SLC2A11: variants seen among roughly 807,000 people sequenced by gnomAD.
SLC2A11 encodes the protein solute carrier family 2, facilitated glucose transporter member 11.
In SLC2A11, 43 loss-of-function variants were observed where a neutral mutation model predicts 52.1. The ratio of observed to expected loss-of-function variants is 0.82; its 90% confidence interval spans 0.65 to 1.06. The LOEUF is 1.06. Among genes scored for constraint, SLC2A11 ranks in the 50% least tolerant of loss-of-function variants. The pLI, the probability that SLC2A11 is intolerant of heterozygous loss-of-function variation, is 0.00. For synonymous variants in SLC2A11, 261 were observed against 277.6 expected, an observed-to-expected ratio of 0.94 and a Z score of 0.59; for missense variants, 582 against 654.2, an observed-to-expected ratio of 0.89 and a Z score of 1.20.
intron 1 of SLC2A11, among the ~76,000 whole-genome samples, chr22:23,861,330 T>C (rs554657851): frequency 1.2e-4 from 9 of 76,684 alleles, no homozygotes; most frequent in Non-Finnish European, 1.7e-4. Context: ...ATCCCAACTA[T>C]CCCAACTACA....
rs368383150 is a variant in SLC2A11, at chr22:23,875,027, G to T, written c.291-90G>T. On this transcript the variant is annotated intron_variant, in intron 3 of 11. Coordinates refer to ENST00000316185, the MANE Select transcript of SLC2A11 (RefSeq NM_001024939.4). ...ACATTTGTGTGTGTGTCTAATTAAG[G>T]CTTGTTACAGTTGCAAAGAGTGGTC... is the stretch of plus-strand genomic sequence containing the variant. 4.1e-4 allele frequency: 565 copies of T among 1,364,250 alleles called. 3 individuals carry two copies. In the East Asian group the frequency reaches 6.6e-3, roughly 16 times the overall value. 84.5% of individuals were successfully genotyped at this position (1,364,250 alleles called of 1,614,324 possible).
intron 6 of SLC2A11, 51 bp from the exon 7 acceptor site, chr22:23,882,408 C>T: frequency 6.8e-7 from 1 of 1,459,876 alleles, no homozygotes; most frequent in South Asian, 1.4e-5. Flanking sequence ...TGTAGGGGGA[C>T]CAAAGAGGGG....
At chr22:23,862,858 T>C (rs2032122391) in intron 2 of SLC2A11, among the ~76,000 whole-genome samples, 1 of 152,022 alleles carries the variant, frequency 6.6e-6, no homozygotes, top group African/African-American at 2.4e-5. Flanking sequence ...CCCAACCTCA[T>C]GTGATCCGCC....
chr22:23,864,202 A>G (rs2032178910), intron 2 of SLC2A11, among the ~76,000 whole-genome samples: 1 of 152,126 alleles, frequency 6.6e-6, no homozygotes, highest in Admixed American at 6.5e-5. Flanking sequence ...CTTCCTCCAA[A>G]GTAATATTTG....
At position 23,882,629 on chromosome 22, in the gene SLC2A11, C is replaced by T; in HGVS notation, c.865C>T (p.Leu289Phe). Residue 289 changes from leucine (L) to phenylalanine (F), a missense_variant, in exon 7 of 12, where the codon CTC (leucine) becomes TTC (phenylalanine). Coordinates refer to ENST00000316185, the MANE Select transcript of SLC2A11 (RefSeq NM_001024939.4). ...CGTGGTTCTGGGCAGTGCCATGGAG[C>T]TCTGCGGGAATGACTCGGTGAGACC... ...SLVVLGSAME[L>F]CGNDSVYAYA... 6.2e-7 allele frequency: 1 copy of T among 1,612,776 alleles called. No homozygotes were observed. The highest frequency in any genetic ancestry group is 1.1e-5 in the South Asian group (1 of 90,944).
In SLC2A11 at chr22:23,882,443, C is replaced by G; in HGVS notation, c.695-16C>G. On this transcript the variant is annotated splice_polypyrimidine_tract_variant and intron_variant, in intron 6 of 11. Transcript: ENST00000316185. The stretch of plus-strand genomic sequence containing the variant: ...GCTTGGGGACGGGGAGCTCAGTACC[C>G]TCCTCCCTGGCTCAGCACTACGGCG... 6.6e-7 allele frequency: 1 copy of G among 1,519,266 alleles called. No homozygotes were observed. The highest frequency in any genetic ancestry group is 8.8e-7 in the Non-Finnish European group (1 of 1,135,542). 94.1% of individuals were successfully genotyped at this position (1,519,266 alleles called of 1,614,324 possible).
Position 23,877,161 on chromosome 22 carries a change from G to A in SLC2A11, c.535G>A (p.Val179Ile), listed in dbSNP as rs1601506520. ...TALGIVMGQV[V>I]GLRELLGGPQ... Reference sequence around the variant, plus strand: ...TCTGGGGATCGTGATGGGACAGGTGGTCGGACTCAGGTAAGCACCCCTCCC... The same window carrying A: ...TCTGGGGATCGTGATGGGACAGGTGATCGGACTCAGGTAAGCACCCCTCCC... Residue 179 changes from valine to isoleucine, a missense_variant, in exon 5 of 12, where the codon GTC becomes ATC. By Grantham distance (29) the Val-to-Ile change is conservative. Transcript: ENST00000316185. 6.2e-7 allele frequency: 1 copy of A among 1,611,084 alleles called. No homozygotes were observed. Among genetic ancestry groups the A allele is most frequent in the Non-Finnish European group, 8.5e-7 (1 of 1,178,510 alleles).
At chr22:23,870,160 T>C (rs2032403567) in intron 3 of SLC2A11, 1 of 630,270 alleles carries the variant, frequency 1.6e-6, no homozygotes, top group Non-Finnish European at 2.9e-6. Context: ...AGGGGAACAG[T>C]CGCAAACAAA....
rs1454038836 is a variant in SLC2A11 at position 23,884,020 on chromosome 22, C to T, written c.1167C>T (p.Gly389=). ...IFAFILSFGI[G]PAGVTGILAT... is the part of the protein sequence containing the mutation. ...CCTTCATCCTCAGCTTTGGCATTGG[C>T]CCTGGTGAGTGGGCCCAAGGGGCTC... The change falls in exon 10 of 12, where the codon GGC becomes GGT. Residue 389 remains glycine (G), a synonymous_variant. Coordinates refer to ENST00000316185, the MANE Select transcript of SLC2A11 (RefSeq NM_001024939.4). The surrounding 1 kb of genome is among the most constrained non-coding windows in gnomAD (Gnocchi z 4.3). 1 of 1,612,616 alleles carries T rather than the reference C, an allele frequency of 6.2e-7. No individual in the cohort carries two copies. Among genetic ancestry groups the T allele is most frequent in the East Asian group, 2.2e-5 (1 of 44,854 alleles).
intron 4 of SLC2A11, 125 bp from the exon 5 acceptor site, chr22:23,876,917 C>T: frequency 6.8e-7 from 1 of 1,474,418 alleles, no homozygotes; most frequent in East Asian, 2.3e-5. Context: ...GAGGGATCAG[C>T]CCTCAGTGCC....
At chr22:23,870,121 A>G (rs1314597655) in intron 3 of SLC2A11, 55 of 708,956 alleles carry the variant, frequency 7.8e-5, no homozygotes, top group Non-Finnish European at 1.6e-5. Context: ...GGATTAGACC[A>G]CTGGGCTCAT....
At position 23,863,389 on chromosome 22, in the gene SLC2A11, C is replaced by T. The variant is rs372709134; in HGVS notation, c.129+1187C>T. On this transcript the variant is annotated intron_variant, in intron 2 of 11. Coordinates refer to ENST00000316185, the MANE Select transcript of SLC2A11 (RefSeq NM_001024939.4). Reference sequence around the variant, plus strand: ...TCTGGCCCTTGATGGTAGCCTGGCCCGAGCCAATGTTCTGTGAGTGTCTGT... The same window carrying T: ...TCTGGCCCTTGATGGTAGCCTGGCCTGAGCCAATGTTCTGTGAGTGTCTGT... Among the ~76,000 whole-genome samples, 384 of 152,252 alleles carry T rather than the reference C, an allele frequency of 2.5e-3. 15 individuals are homozygous for T. The South Asian group carries it at 0.062, about 25-fold the overall frequency.
chr22:23,884,709 T>C lies in SLC2A11; in HGVS notation c.1360T>C (p.Tyr454His). 1 of 1,614,212 alleles carries C rather than the reference T, an allele frequency of 6.2e-7. No individual in the cohort carries two copies. Among genetic ancestry groups the C allele is most frequent in the Non-Finnish European group, 8.5e-7 (1 of 1,180,028 alleles). Residue 454 changes from tyrosine to histidine, a missense_variant, in exon 12 of 12, where the codon TAC (tyrosine) becomes CAC (histidine). Coordinates refer to ENST00000316185, the MANE Select transcript of SLC2A11 (RefSeq NM_001024939.4). This position sits in a 1 kb window ranked among gnomAD's most constrained non-coding sequence, Gnocchi z 4.3. ...FLGVCVCGAIYTGLFLPETKG... is the reference protein window; with the variant it reads ...FLGVCVCGAIHTGLFLPETKG... ...TGGTGTCTGTGTCTGTGGGGCCATCTACACTGGCCTGTTCCTTCCTGAGAC... is the reference window on the plus strand; with the variant it reads ...TGGTGTCTGTGTCTGTGGGGCCATCCACACTGGCCTGTTCCTTCCTGAGAC...
chr22:23,884,939 T>G lies in SLC2A11; in HGVS notation c.*90T>G, dbSNP rs1433890720. 5.6e-6 allele frequency: 6 copies of G among 1,079,632 alleles called. No individual in the cohort carries two copies. The highest frequency in any genetic ancestry group is 8.1e-6 in the Non-Finnish European group (6 of 738,272). 66.9% of individuals were successfully genotyped at this position (1,079,632 alleles called of 1,614,324 possible). A position where few individuals can be genotyped will look rare whatever the true frequency, so the allele number is the denominator to read the frequency against. On this transcript the variant is annotated 3_prime_UTR_variant, in exon 12 of 12. Transcript: ENST00000316185. This position sits in a 1 kb window ranked among gnomAD's most constrained non-coding sequence, Gnocchi z 4.3. ...TGGTCCTCACTCCCTCCTGCATTCC[T>G]CATTTAAGGAGTGTTTATTGAGCAC... is the stretch of plus-strand genomic sequence containing the variant.
rs1259369813 is a variant in SLC2A11 at position 23,884,151 on chromosome 22, G to C, written c.1171+127G>C. 6.7e-7 allele frequency: 1 copy of C among 1,487,534 alleles called. No homozygotes were observed. Among genetic ancestry groups the C allele is most frequent in the Non-Finnish European group, 9.0e-7 (1 of 1,113,368 alleles). The allele number at this position is 1,487,534 out of a possible 1,614,324, so 92.1% of individuals were successfully genotyped here. ...GCCCTCAGAGACCACCTCATGCCGGGGCTTCTGGGAGGGAATGGCAGGAGG... is the reference window on the plus strand; with the variant it reads ...GCCCTCAGAGACCACCTCATGCCGGCGCTTCTGGGAGGGAATGGCAGGAGG... On this transcript the variant is annotated intron_variant, in intron 10 of 11. Coordinates refer to ENST00000316185, the MANE Select transcript of SLC2A11 (RefSeq NM_001024939.4). This position sits in a 1 kb window ranked among gnomAD's most constrained non-coding sequence, Gnocchi z 4.3.
intron 4 of SLC2A11, among the ~76,000 whole-genome samples, 167 bp downstream of exon 4, chr22:23,875,408 G>C (rs1051456131): frequency 3.9e-5 from 6 of 151,900 alleles, no homozygotes; most frequent in Non-Finnish European, 8.8e-5. Context: ...TTATCTTAAA[G>C]GGCTCATATA....
At chr22:23,874,032 G>A (rs1374885661) in intron 3 of SLC2A11, among the ~76,000 whole-genome samples, 1 of 152,150 alleles carries the variant, frequency 6.6e-6, no homozygotes, top group Non-Finnish European at 1.5e-5. Context: ...AGCTCAATAT[G>A]AGGAGCCAAA....
intron 6 of SLC2A11, among the ~76,000 whole-genome samples, chr22:23,878,406 G>T (rs2032695842): frequency 6.6e-6 from 1 of 152,216 alleles, no homozygotes; most frequent in African/African-American, 2.4e-5. Context: ...GTCTAGGCTG[G>T]TCTGGACTGG....
Position 23,883,797 on chromosome 22 carries a change from G to C in SLC2A11, c.1019G>C (p.Arg340Pro). Reference sequence around the variant, plus strand: ...TGTGTGGTAATCGAGAGGGTGGGTCGGCGCGTGCTGCTCATCGGTGGGTAC... The same window carrying C: ...TGTGTGGTAATCGAGAGGGTGGGTCCGCGCGTGCTGCTCATCGGTGGGTAC... ...VSCVVIERVG[R>P]RVLLIGGYSL... Residue 340 changes from arginine (R) to proline (P), a missense_variant, in exon 9 of 12, where the codon CGG (arginine) becomes CCG (proline). By Grantham distance (103) the Arg-to-Pro change is moderately radical. Coordinates refer to ENST00000316185, the MANE Select transcript of SLC2A11 (RefSeq NM_001024939.4). 1 of 1,551,582 alleles carries C rather than the reference G, an allele frequency of 6.4e-7. No individual in the cohort carries two copies. The highest frequency in any genetic ancestry group is 1.2e-5 in the South Asian group (1 of 81,980).
Sources: allele counts gnomAD v4.1 joint callset (sites outside exome capture counted in the v4.1 genomes callset), GRCh38; gene constraint gnomAD v4.1.1; non-coding constraint Gnocchi (gnomAD v3.1); transcripts MANE v1.5; gene names NCBI Gene and HGNC (gene_info 2026-07-23, HGNC 2026-07-21).